Variants in SRGAP2C observed in about 807,000 individuals in gnomAD.
The protein encoded by SRGAP2C is SLIT-ROBO Rho GTPase-activating protein 2C.
In SRGAP2C, 15 loss-of-function variants were observed where a neutral mutation model predicts 25.1. The ratio of observed to expected loss-of-function variants is 0.60; its 90% CI spans 0.40 to 0.92. The LOEUF is 0.92. Among genes scored for constraint, SRGAP2C ranks in the 40% least tolerant of loss-of-function variants. The pLI, the probability that SRGAP2C is intolerant of heterozygous loss-of-function variation, is 0.00. For synonymous variants in SRGAP2C, 44 were observed against 96.6 expected, an observed-to-expected ratio of 0.46 and a Z score of 3.19; for missense variants, 144 against 264.4, an observed-to-expected ratio of 0.54 and a Z score of 3.16.
At chr1:121,260,938 T>G in intron 2 of SRGAP2C, among the ~76,000 whole-genome samples, 1 of 70,552 alleles carries the variant, frequency 1.4e-5, no homozygotes, top group Non-Finnish European at 2.9e-5. Context: ...TTTTTTCTTT[T>G]TTTTCTTTTT....
At chr1:121,212,697 A>T (rs1655297610) in intron 2 of SRGAP2C, among the ~76,000 whole-genome samples, 2 of 151,088 alleles carry the variant, frequency 1.3e-5, no homozygotes, top group South Asian at 4.2e-4. Context: ...GTACAAAACC[A>T]CCTATTGGGT....
At position 121,211,416 on chromosome 1, in the gene SRGAP2C, TACACAC is replaced by T. The variant is rs200891136; in HGVS notation, c.67+23943_67+23948del. Among the ~76,000 whole-genome samples the T allele has an allele frequency of 5.6e-3, 729 of 129,662 alleles. 1 individual carries two copies. The highest frequency in any genetic ancestry group is 0.012 in the Middle Eastern group (3 of 246). 85.1% of individuals were successfully genotyped at this position (129,662 alleles called of 152,430 possible). On this transcript the variant is annotated intron_variant, in intron 2 of 9. Coordinates refer to ENST00000367123, the MANE Select transcript of SRGAP2C (RefSeq NM_001329984.2). ...TGAGAGAGAGATATATATATACACA[TACACAC>T]ACACACACACACACACACACACACA... is the stretch of plus-strand genomic sequence containing the variant.
intron 2 of SRGAP2C, among the ~76,000 whole-genome samples, chr1:121,232,682 C>G (rs1234019301): frequency 6.6e-6 from 1 of 152,134 alleles, no homozygotes; most frequent in Non-Finnish European, 1.5e-5. Flanking sequence ...TTCTAGTTTG[C>G]ATCTGAAACG....
chr1:121,380,540 A>G (rs1394964389), intron 7 of SRGAP2C, among the ~76,000 whole-genome samples: 1 of 151,666 alleles, frequency 6.6e-6, no homozygotes, highest in African/African-American at 2.4e-5. Flanking sequence ...CCTTGCTCAA[A>G]TTGTTTAACT....
intron 7 of SRGAP2C, 133 bp downstream of exon 7, chr1:121,375,087 A>G: frequency 3.3e-6 from 2 of 615,046 alleles, no homozygotes; most frequent in Non-Finnish European, 3.0e-6. Context: ...GCCATGATCC[A>G]TCAGAGTGCT....
At chr1:121,231,587 C>T (rs1164695868) in intron 2 of SRGAP2C, among the ~76,000 whole-genome samples, 2 of 150,960 alleles carry the variant, frequency 1.3e-5, no homozygotes, top group East Asian at 2.0e-4. Flanking sequence ...ACAGATTTAG[C>T]GTTATTAGTA....
intron 3 of SRGAP2C, among the ~76,000 whole-genome samples, chr1:121,308,603 T>C (rs1174161377): frequency 6.6e-6 from 1 of 151,698 alleles, no homozygotes; most frequent in Non-Finnish European, 1.5e-5. Context: ...GTCATGCCCC[T>C]GTACTCCAAC....
intron 2 of SRGAP2C, among the ~76,000 whole-genome samples, chr1:121,229,039 A>T (rs1553327086): frequency 6.7e-6 from 1 of 148,364 alleles, no homozygotes; most frequent in Non-Finnish European, 1.5e-5. Context: ...TCTCCTTCAC[A>T]TTGAGGGGAG....
Position 121,391,932 on chromosome 1 carries a change from C to G in SRGAP2C, c.*4077C>G, listed in dbSNP as rs1553358082. 1 of 152,300 alleles carries G rather than the reference C, an allele frequency of 6.6e-6. No homozygotes were observed. Among genetic ancestry groups the G allele is most frequent in the African/African-American group, 2.4e-5 (1 of 41,488 alleles). 9.4% of individuals were successfully genotyped at this position (152,300 alleles called of 1,614,324 possible). On this transcript the variant is annotated 3_prime_UTR_variant, in exon 10 of 10. Coordinates refer to ENST00000367123, the MANE Select transcript of SRGAP2C (RefSeq NM_001329984.2). ...TTAAAACAACTCTCTTCATTATACTCAAATGTCAAAAGGAAAACATAAACA... is the reference window on the plus strand; with the variant it reads ...TTAAAACAACTCTCTTCATTATACTGAAATGTCAAAAGGAAAACATAAACA...
intron 2 of SRGAP2C, among the ~76,000 whole-genome samples, chr1:121,201,595 G>A (rs1179994435): frequency 2.6e-5 from 4 of 152,242 alleles, no homozygotes; most frequent in Admixed American, 6.5e-5. Flanking sequence ...GCGTGTGCGC[G>A]CACGCACACA....
chr1:121,275,043 C>T (rs1232635911), intron 2 of SRGAP2C, among the ~76,000 whole-genome samples: 2 of 150,160 alleles, frequency 1.3e-5, no homozygotes, highest in South Asian at 2.1e-4. Flanking sequence ...GTTTAAATCC[C>T]CCCCACCCAA....
chr1:121,374,394 G>T (rs1402724963), intron 6 of SRGAP2C, among the ~76,000 whole-genome samples: 13 of 151,868 alleles, frequency 8.6e-5, no homozygotes, highest in African/African-American at 2.9e-4. Flanking sequence ...CAAGATTCTA[G>T]CCTCTAGCAG....
At chr1:121,340,301 A>T (rs1299673886) in intron 4 of SRGAP2C, among the ~76,000 whole-genome samples, 3 of 152,058 alleles carry the variant, frequency 2.0e-5, no homozygotes. Context: ...TCTCAGAGTC[A>T]GTGGTCTTTC....
At chr1:121,195,102 GTGTC>G (rs1654797764) in intron 2 of SRGAP2C, among the ~76,000 whole-genome samples, 1 of 149,850 alleles carries the variant, frequency 6.7e-6, no homozygotes, top group Admixed American at 6.6e-5. Context: ...ACAAATGACA[GTGTC>G]TGTTTCCATA....
At chr1:121,192,086 A>T (rs1236549538) in intron 2 of SRGAP2C, among the ~76,000 whole-genome samples, 1 of 151,998 alleles carries the variant, frequency 6.6e-6, no homozygotes, top group East Asian at 1.9e-4. Context: ...CATATTGTGT[A>T]TGTATATATA....
At chr1:121,260,616 T>A (rs1249245953) in intron 2 of SRGAP2C, among the ~76,000 whole-genome samples, 1 of 142,294 alleles carries the variant, frequency 7.0e-6, no homozygotes, top group Admixed American at 7.2e-5. Context: ...AAGATCTTTC[T>A]AAGAATTGAG....
In SRGAP2C at chr1:121,354,396, C is replaced by CT. The variant is rs71274571; in HGVS notation, c.424-10874dup. On this transcript the variant is annotated intron_variant, in intron 4 of 9. Transcript: ENST00000367123. ...TTCTTTCTTTCTGTCCTTTTTTTTT[C>CT]TTTTTTTTTTTTTTTTTTTTTTTCT... 7.6e-4 allele frequency among the ~76,000 whole-genome samples: 7 copies of CT among 9,176 alleles called. 1 individual carries two copies. The highest frequency in any genetic ancestry group is 0.038 in the Middle Eastern group (1 of 26). The allele number at this position is 9,176 out of a possible 152,430, so 6.0% of individuals were successfully genotyped here.
chr1:121,328,728 TA>T (rs1358420137), intron 4 of SRGAP2C, among the ~76,000 whole-genome samples: 8 of 131,638 alleles, frequency 6.1e-5, no homozygotes, highest in Admixed American at 2.4e-4. Flanking sequence ...CTCCCCCACT[TA>T]AAAAAAATTA....
At chr1:121,204,465 G>A (rs1174488478) in intron 2 of SRGAP2C, among the ~76,000 whole-genome samples, 1 of 150,338 alleles carries the variant, frequency 6.7e-6, no homozygotes, top group African/African-American at 2.4e-5. Flanking sequence ...TCACTGTGTT[G>A]GCCAGGCTGG....
Sources: allele counts gnomAD v4.1 joint callset (sites outside exome capture counted in the v4.1 genomes callset), GRCh38; gene constraint gnomAD v4.1.1; transcripts MANE v1.5; gene names NCBI Gene and HGNC (gene_info 2026-07-23, HGNC 2026-07-21).